The following OBP2A variants were observed in gnomAD, a reference collection of about 807,000 sequenced individuals.
OBP2A encodes the protein odorant-binding protein 2a.
Under a neutral mutation model 21.9 loss-of-function variants are expected in OBP2A, and 15 were observed. The observed-to-expected ratio is 0.69, with a 90% CI of 0.46 to 1.06. OBP2A has a LOEUF of 1.06. Among genes scored for constraint, OBP2A ranks in the 50% least tolerant of loss-of-function variants. The pLI is 0.00. For missense variants in OBP2A, 192 were observed against 220.1 expected, an observed-to-expected ratio of 0.87 and a Z score of 0.81; for synonymous variants, 86 against 91.8, an observed-to-expected ratio of 0.94 and a Z score of 0.36.
chr9:135,548,065 G>C lies in OBP2A; in HGVS notation c.388+84G>C, dbSNP rs1046290241. 7 of 977,282 alleles carry C rather than the reference G, an allele frequency of 7.2e-6. No individual in the cohort carries two copies. In the African/African-American group the frequency reaches 1.1e-4, roughly 16 times the overall value. The allele number at this position is 977,282 out of a possible 1,614,324, so 60.5% of individuals were successfully genotyped here. On this transcript the variant is annotated intron_variant, in intron 4 of 6. Transcript: ENST00000371776. ...GTGGAACCACCATCATCACGCCCTG[G>C]CACGGGGGGAAAAGGAAGCCCCCTG...
chr9:135,547,265 C>A lies in OBP2A; in HGVS notation c.277+17C>A. 1.2e-6 allele frequency: 2 copies of A among 1,612,346 alleles called. No homozygotes were observed. Among genetic ancestry groups the A allele is most frequent in the East Asian group, 2.2e-5 (1 of 44,858 alleles). ...TCAGCGCCTGTGAGCCCCTCCCCGA[C>A]CCCCCACTCCCCATGCCCAACCCCG... On this transcript the variant is annotated intron_variant, in intron 3 of 6. Coordinates refer to ENST00000371776, the MANE Select transcript of OBP2A (RefSeq NM_014582.3).
In OBP2A at chr9:135,548,729, T is replaced by G. The variant is rs1832024468; in HGVS notation, c.410T>G (p.Leu137Arg). Residue 137 changes from leucine (L) to arginine (R), a missense_variant, in exon 5 of 7, where the codon CTG becomes CGG. Coordinates refer to ENST00000371776, the MANE Select transcript of OBP2A (RefSeq NM_014582.3). ...KLVGRNPNTNLEALEEFKKLV... is the reference protein window; with the variant it reads ...KLVGRNPNTNREALEEFKKLV... Reference sequence around the variant, plus strand: ...GCAGGTAGGAATCCTAATACCAACCTGGAGGCCCTGGAAGAATTTAAGAAA... The same window carrying G: ...GCAGGTAGGAATCCTAATACCAACCGGGAGGCCCTGGAAGAATTTAAGAAA... 1.2e-6 allele frequency: 2 copies of G among 1,613,966 alleles called. No individual in the cohort carries two copies. Among genetic ancestry groups the G allele is most frequent in the African/African-American group, 2.7e-5 (2 of 75,036 alleles).
At chr9:135,547,148 G>A in intron 2 of OBP2A, 30 bp from the exon 3 acceptor site, 1 of 1,598,012 alleles carries the variant, frequency 6.3e-7, no homozygotes, top group Non-Finnish European at 8.6e-7. Flanking sequence ...TGTCCTGGGA[G>A]CCGCTGCCCG....
chr9:135,549,664 C>G, intron 6 of OBP2A, 173 bp from the exon 7 acceptor site: 1 of 595,926 alleles, frequency 1.7e-6, no homozygotes, highest in Admixed American at 3.0e-5. Context: ...ACCCACTCAC[C>G]AAGGATGCTC....
chr9:135,549,389 C>T lies in OBP2A; in HGVS notation c.*1+58C>T, dbSNP rs1406031247. On this transcript the variant is annotated intron_variant, in intron 6 of 6. Transcript: ENST00000371776. ...CCCAGAGTCCTGGGTTCCCGGGGTT[C>T]GAGGGTACATCTGCTCTGGCCCTTC... 1.5e-5 allele frequency: 21 copies of T among 1,387,112 alleles called. 3 individuals are homozygous for T. Among genetic ancestry groups the T allele is most frequent in the East Asian group, 2.3e-5 (1 of 42,698 alleles). The allele number at this position is 1,387,112 out of a possible 1,614,324, so 85.9% of individuals were successfully genotyped here.
Position 135,548,779 on chromosome 9 carries a change from G to A in OBP2A, c.460G>A (p.Glu154Lys), listed in dbSNP as rs372804273. ...KKLVQHKGLS[E>K]EDIFMPLQTG... ...ATTGGTGCAGCACAAGGGACTCTCG[G>A]AGGAGGACATTTTCATGCCCCTGCA... The change falls in exon 5 of 7, where the codon GAG becomes AAG. Residue 154 changes from glutamate to lysine, a missense_variant. Physicochemically the swap from Glu to Lys is moderately conservative, Grantham distance 56 (BLOSUM62 1). Transcript: ENST00000371776. The A allele has an allele frequency of 6.2e-6, 10 of 1,613,848 alleles. No individual in the cohort carries two copies. Among genetic ancestry groups the A allele is most frequent in the African/African-American group, 1.3e-5 (1 of 74,930 alleles).
chr9:135,549,447 G>T (rs566850249), intron 6 of OBP2A, 116 bp downstream of exon 6: 95,585 of 985,598 alleles, frequency 0.097, 15,594 homozygotes, highest in African/African-American at 0.35. Flanking sequence ...CCCCCCCAGG[G>T]TCAGGCACGA....
chr9:135,549,036 T>C lies in OBP2A; in HGVS notation c.490+227T>C, dbSNP rs1210282134. 6.9e-5 allele frequency among the ~76,000 whole-genome samples: 9 copies of C among 131,356 alleles called. 1 individual carries two copies. The highest frequency in any genetic ancestry group is 1.5e-4 in the Admixed American group (2 of 13,318). 86.2% of individuals were successfully genotyped at this position (131,356 alleles called of 152,430 possible). On this transcript the variant is annotated intron_variant, in intron 5 of 6. Transcript: ENST00000371776. The stretch of plus-strand genomic sequence containing the variant: ...TCTGGGCTGCGATGGGGTCTGGGGC[T>C]CCGCGCTCTGGGCTGCGATGGGGTC...
chr9:135,548,060 C>G, intron 4 of OBP2A, 79 bp downstream of exon 4: 1 of 1,009,616 alleles, frequency 9.9e-7, no homozygotes, highest in Non-Finnish European at 1.4e-6. Flanking sequence ...CATCATCACG[C>G]CCTGGCACGG....
At position 135,547,868 on chromosome 9, in the gene OBP2A, C is replaced by G; in HGVS notation, c.278-3C>G. Reference sequence around the variant, plus strand: ...GAAGACCCATCTTCTCTGTCATCTACAGATGGGGGCAGGAAGCTCATATAC... The same window carrying G: ...GAAGACCCATCTTCTCTGTCATCTAGAGATGGGGGCAGGAAGCTCATATAC... On this transcript the variant is annotated splice_polypyrimidine_tract_variant and splice_region_variant and intron_variant, in intron 3 of 6. Coordinates refer to ENST00000371776, the MANE Select transcript of OBP2A (RefSeq NM_014582.3). The G allele has an allele frequency of 6.2e-7, 1 of 1,600,396 alleles. No homozygotes were observed. The highest frequency in any genetic ancestry group is 8.5e-7 in the Non-Finnish European group (1 of 1,172,450).
At chr9:135,548,886 C>T (rs1169342320) in intron 5 of OBP2A, 77 bp downstream of exon 5, 1 of 1,437,530 alleles carries the variant, frequency 7.0e-7, no homozygotes, top group Non-Finnish European at 9.8e-7. Context: ...ACCCCCATGT[C>T]CTCCCATGTC....
At chr9:135,548,848 G>A (rs770307751) in intron 5 of OBP2A, 39 bp downstream of exon 5, 1 of 1,604,262 alleles carries the variant, frequency 6.2e-7, no homozygotes, top group East Asian at 2.2e-5. Flanking sequence ...GTTCCCCTGT[G>A]TCTCTGTGTG....
In OBP2A at chr9:135,549,948, C is replaced by T; in HGVS notation, c.*113C>T. The T allele has an allele frequency of 4.0e-6, 6 of 1,517,068 alleles. No homozygotes were observed. The highest frequency in any genetic ancestry group is 5.3e-6 in the Non-Finnish European group (6 of 1,125,400). The allele number at this position is 1,517,068 out of a possible 1,614,324, so 94.0% of individuals were successfully genotyped here. A position where few individuals can be genotyped will look rare whatever the true frequency, so the allele number is the denominator to read the frequency against. On this transcript the variant is annotated 3_prime_UTR_variant, in exon 7 of 7. Coordinates refer to ENST00000371776, the MANE Select transcript of OBP2A (RefSeq NM_014582.3). Reference sequence around the variant, plus strand: ...TTCCCTGCTCCCACCCACCTGACTCCAAATAAAGAGCTTCTCCCCCAGCTC... The same window carrying T: ...TTCCCTGCTCCCACCCACCTGACTCTAAATAAAGAGCTTCTCCCCCAGCTC...
Position 135,548,706 on chromosome 9 carries a change from AG to A in OBP2A, c.389del. 1 of 1,613,932 alleles carries A rather than the reference AG, an allele frequency of 6.2e-7. No individual in the cohort carries two copies. The highest frequency in any genetic ancestry group is 8.5e-7 in the Non-Finnish European group (1 of 1,179,862). On this transcript the variant is annotated splice_acceptor_variant, in intron 4 of 6. Transcript: ENST00000371776. LOFTEE classifies it high-confidence loss of function. The stretch of plus-strand genomic sequence containing the variant: ...TGGCTCACCTGGCCACCTCACCTGC[AG>A]GTAGGAATCCTAATACCAACCTGGA...
chr9:135,547,858 C>T lies in OBP2A; in HGVS notation c.278-13C>T. 1 of 1,581,868 alleles carries T rather than the reference C, an allele frequency of 6.3e-7. No homozygotes were observed. The highest frequency in any genetic ancestry group is 2.2e-5 in the East Asian group (1 of 44,670). Reference sequence around the variant, plus strand: ...TGAGGGCACTGAAGACCCATCTTCTCTGTCATCTACAGATGGGGGCAGGAA... The same window carrying T: ...TGAGGGCACTGAAGACCCATCTTCTTTGTCATCTACAGATGGGGGCAGGAA... On this transcript the variant is annotated splice_polypyrimidine_tract_variant and intron_variant, in intron 3 of 6. Coordinates refer to ENST00000371776, the MANE Select transcript of OBP2A (RefSeq NM_014582.3).
rs1831965702 is a variant in OBP2A at position 135,547,261 on chromosome 9, C to T, written c.277+13C>T. On this transcript the variant is annotated intron_variant, in intron 3 of 6. Coordinates refer to ENST00000371776, the MANE Select transcript of OBP2A (RefSeq NM_014582.3). ...AAATTCAGCGCCTGTGAGCCCCTCC[C>T]CGACCCCCCACTCCCCATGCCCAAC... 1 of 1,613,496 alleles carries T rather than the reference C, an allele frequency of 6.2e-7. No individual in the cohort carries two copies. Among genetic ancestry groups the T allele is most frequent in the Non-Finnish European group, 8.5e-7 (1 of 1,179,844 alleles).
In OBP2A at chr9:135,547,210, T is replaced by C; in HGVS notation, c.239T>C (p.Leu80Pro). Residue 80 changes from leucine to proline, a missense_variant, in exon 3 of 7, where the codon CTG becomes CCG. By Grantham distance (98) the Leu-to-Pro change is moderately conservative. Coordinates refer to ENST00000371776, the MANE Select transcript of OBP2A (RefSeq NM_014582.3). Reference protein sequence around the residue: ...REDRCIQKKILMRKTEEPGKF... With the variant: ...REDRCIQKKIPMRKTEEPGKF... ...GATCGGTGCATCCAGAAGAAAATCCTGATGCGGAAGACGGAGGAGCCTGGC... is the reference window on the plus strand; with the variant it reads ...GATCGGTGCATCCAGAAGAAAATCCCGATGCGGAAGACGGAGGAGCCTGGC... The C allele has an allele frequency of 6.2e-7, 1 of 1,613,158 alleles. No individual in the cohort carries two copies. The highest frequency in any genetic ancestry group is 8.5e-7 in the Non-Finnish European group (1 of 1,179,998).
Position 135,547,994 on chromosome 9 carries a change from C to A in OBP2A, c.388+13C>A, listed in dbSNP as rs1329820457. ...GGAAAGCTTGTGGGTGAGGGGCCCG[C>A]TGGGGCCTGCATGTCCTGCCCCATG... On this transcript the variant is annotated intron_variant, in intron 4 of 6. Coordinates refer to ENST00000371776, the MANE Select transcript of OBP2A (RefSeq NM_014582.3). The A allele has an allele frequency of 6.4e-6, 10 of 1,572,552 alleles. No individual in the cohort carries two copies. Among genetic ancestry groups the A allele is most frequent in the Middle Eastern group, 1.7e-4 (1 of 5,940 alleles).
At chr9:135,546,998 C>T (rs1266471414) in intron 2 of OBP2A, 87 bp downstream of exon 2, 90 of 1,593,970 alleles carry the variant, frequency 5.6e-5, no homozygotes, top group Non-Finnish European at 7.4e-5. Context: ...ATCCACATTT[C>T]GGGTGTTGGG....
Sources: allele counts gnomAD v4.1 joint callset (sites outside exome capture counted in the v4.1 genomes callset), GRCh38; gene constraint gnomAD v4.1.1; transcripts MANE v1.5; gene names NCBI Gene and HGNC (gene_info 2026-07-23, HGNC 2026-07-21).